The following PAPPA variants were observed in gnomAD, a reference collection of about 807,000 sequenced individuals.
The protein encoded by PAPPA is pappalysin-1.
PAPPA carries 60 observed loss-of-function variants against 164.0 expected under a neutral mutation model. That is an observed-to-expected ratio of 0.37 (90% confidence interval 0.30 to 0.45). The LOEUF (loss-of-function observed/expected upper bound fraction) is 0.45, where lower values mean the gene tolerates loss of function less well. Ranked by LOEUF, PAPPA falls within the 20% of genes least tolerant of loss-of-function variation. The pLI, the probability that PAPPA is intolerant of heterozygous loss-of-function variation, is 1.00. For synonymous variants in PAPPA, 875 were observed against 814.1 expected (o/e 1.07, Z -1.27); for missense variants, 1,782 against 2,087.3 (o/e 0.85, Z 2.85).
intron 18 of PAPPA, 102 bp from the exon 19 acceptor site, chr9:116,367,543 C>A: frequency 1.2e-6 from 1 of 802,764 alleles, no homozygotes; most frequent in Non-Finnish European, 2.1e-6. Flanking sequence ...TAGCTGAGTC[C>A]ACCAGGGACC....
intron 10 of PAPPA, among the ~76,000 whole-genome samples, chr9:116,322,120 C>T (rs1031964472): frequency 6.6e-6 from 1 of 152,146 alleles, no homozygotes; most frequent in African/African-American, 2.4e-5. Flanking sequence ...CCATACTGGG[C>T]AGACCATCTT....
At chr9:116,251,749 C>T (rs1021834238) in intron 7 of PAPPA, among the ~76,000 whole-genome samples, 1 of 152,214 alleles carries the variant, frequency 6.6e-6, no homozygotes, top group African/African-American at 2.4e-5. Flanking sequence ...AGCTGTCACA[C>T]ATCGCCTTTG....
intron 2 of PAPPA, among the ~76,000 whole-genome samples, chr9:116,206,489 T>G (rs554337695): frequency 1.3e-5 from 2 of 152,274 alleles, no homozygotes; most frequent in Non-Finnish European, 2.9e-5. Flanking sequence ...ATTATTGAAT[T>G]TGAGACTGAG....
chr9:116,363,902 C>G (rs1176827554), intron 18 of PAPPA, among the ~76,000 whole-genome samples: 1 of 152,208 alleles, frequency 6.6e-6, no homozygotes, highest in Non-Finnish European at 1.5e-5. Context: ...GGAATCAGCA[C>G]TCTTGTGTTT....
intron 7 of PAPPA, among the ~76,000 whole-genome samples, chr9:116,262,141 C>T (rs1344993766): frequency 6.0e-5 from 9 of 150,686 alleles, no homozygotes; most frequent in East Asian, 2.0e-4. Flanking sequence ...GTTGAGCCAG[C>T]GAGTTTGAGG....
chr9:116,187,424 G>T lies in PAPPA; in HGVS notation c.686G>T (p.Ser229Ile). The change falls in exon 2 of 22, where the codon AGC (serine) becomes ATC (isoleucine). Residue 229 changes from serine to isoleucine, a missense_variant. This residue lies in a region of PAPPA where 458 missense variants were observed against 430.3 expected (regional missense o/e 1.06). Transcript: ENST00000328252. This position sits in a 1 kb window ranked among gnomAD's most constrained non-coding sequence, Gnocchi z 4.2. ...GGGGAACAAGTGGGTGGCATATTCA[G>T]CCCACTGACCCAGAAGTGCAAAGTG... is the stretch of plus-strand genomic sequence containing the variant. ...TSGEQVGGIF[S>I]PLTQKCKVLM... is the part of the protein sequence containing the mutation. The T allele has an allele frequency of 6.2e-7, 1 of 1,614,114 alleles. No individual in the cohort carries two copies. The highest frequency in any genetic ancestry group is 1.1e-5 in the South Asian group (1 of 91,080).
Position 116,193,411 on chromosome 9 carries a change from C to G in PAPPA, c.1478+5195C>G, listed in dbSNP as rs552335334. 4.6e-5 allele frequency among the ~76,000 whole-genome samples: 7 copies of G among 152,254 alleles called. No homozygotes were observed. The South Asian group carries it at 1.2e-3, about 27-fold the overall frequency. On this transcript the variant is annotated intron_variant, in intron 2 of 21. Transcript: ENST00000328252. ...AGCATAAACTTCATACTTTCCTCTT[C>G]CTTTTCAATCTGAATGAAGGACTCT...
At chr9:116,268,996 C>G (rs758466506) in intron 8 of PAPPA, among the ~76,000 whole-genome samples, 55 of 152,184 alleles carry the variant, frequency 3.6e-4, no homozygotes, top group Non-Finnish European at 6.5e-4. Context: ...CAGTGAGGCC[C>G]TTAATGGATG....
At position 116,365,566 on chromosome 9, in the gene PAPPA, T is replaced by TTTC. The variant is rs1554755536; in HGVS notation, c.4496-2079_4496-2078insTTC. Among the ~76,000 whole-genome samples the TTTC allele has an allele frequency of 2.8e-3, 382 of 137,936 alleles. 7 individuals carry two copies. The highest frequency in any genetic ancestry group is 9.5e-3 in the African/African-American group (368 of 38,640). 90.5% of individuals were successfully genotyped at this position (137,936 alleles called of 152,430 possible). ...TTTGACAACCGTTTTTTTTTTTTTT[T>TTTC]CCTCTCTTGGGATAAGATAGCCTTT... On this transcript the variant is annotated intron_variant, in intron 18 of 21. Transcript: ENST00000328252.
At chr9:116,262,838 G>A (rs1845019010) in intron 7 of PAPPA, among the ~76,000 whole-genome samples, 1 of 152,128 alleles carries the variant, frequency 6.6e-6, no homozygotes, top group South Asian at 2.1e-4. Flanking sequence ...CAATGAAATA[G>A]GTTCTAACCT....
chr9:116,173,112 C>A (rs1456811455), intron 1 of PAPPA, among the ~76,000 whole-genome samples: 1 of 152,158 alleles, frequency 6.6e-6, no homozygotes, highest in African/African-American at 2.4e-5. Context: ...AGACCAGGAT[C>A]AAGGCTGAAC....
intron 9 of PAPPA, among the ~76,000 whole-genome samples, chr9:116,274,681 G>A (rs1254522033): frequency 1.3e-5 from 2 of 152,112 alleles, no homozygotes; most frequent in African/African-American, 4.8e-5. Context: ...CAATATTTTT[G>A]GATACTTTCT....
intron 10 of PAPPA, among the ~76,000 whole-genome samples, chr9:116,306,778 G>A (rs1055528007): frequency 1.3e-5 from 2 of 152,140 alleles, no homozygotes; most frequent in Admixed American, 1.3e-4. Context: ...ATGAGATGTT[G>A]ATATTCCTTC....
Position 116,154,257 on chromosome 9 carries a change from C to G in PAPPA, c.85C>G (p.Arg29Gly), listed in dbSNP as rs922756108. Reference sequence around the variant, plus strand: ...GCTGGCCGAGCGTCCCCGCCGGGCCCGGAGAGACCCGCGGGCCGGCCGACC... The same window carrying G: ...GCTGGCCGAGCGTCCCCGCCGGGCCGGGAGAGACCCGCGGGCCGGCCGACC... ...CGLAERPRRA[R>G]RDPRAGRPPR... Residue 29 changes from arginine to glycine, a missense_variant, in exon 1 of 22, where the codon CGG becomes GGG. Coordinates refer to ENST00000328252, the MANE Select transcript of PAPPA (RefSeq NM_002581.5). This position sits in a 1 kb window ranked among gnomAD's most constrained non-coding sequence, Gnocchi z 5.2. The G allele has an allele frequency of 1.7e-5, 21 of 1,217,728 alleles. No individual in the cohort carries two copies. The highest frequency in any genetic ancestry group is 2.1e-5 in the Non-Finnish European group (20 of 973,478). 75.4% of individuals were successfully genotyped at this position (1,217,728 alleles called of 1,614,324 possible). A position where few individuals can be genotyped will look rare whatever the true frequency, so the allele number is the denominator to read the frequency against.
At chr9:116,262,295 A>T (rs1484198983) in intron 7 of PAPPA, among the ~76,000 whole-genome samples, 1 of 152,216 alleles carries the variant, frequency 6.6e-6, no homozygotes, top group African/African-American at 2.4e-5. Context: ...CTACAAACAT[A>T]AAATATTCAG....
At chr9:116,332,724 T>A (rs1846010392) in intron 12 of PAPPA, 1 of 374,922 alleles carries the variant, frequency 2.7e-6, no homozygotes, top group Non-Finnish European at 4.9e-6. Context: ...AACTCAGACA[T>A]CCTGTATTAT....
intron 1 of PAPPA, among the ~76,000 whole-genome samples, chr9:116,171,645 G>A (rs901881663): frequency 2.6e-5 from 4 of 152,176 alleles, no homozygotes. Context: ...TGAACAGTGG[G>A]TATCACTGGC....
At chr9:116,299,672 G>A (rs1345236202) in intron 9 of PAPPA, among the ~76,000 whole-genome samples, 1 of 152,154 alleles carries the variant, frequency 6.6e-6, no homozygotes, top group African/African-American at 2.4e-5. Flanking sequence ...GCTGTGGCAT[G>A]TAGGGAGAAG....
At chr9:116,246,501 T>A (rs1844798640) in intron 7 of PAPPA, among the ~76,000 whole-genome samples, 1 of 152,248 alleles carries the variant, frequency 6.6e-6, no homozygotes, top group African/African-American at 2.4e-5. Flanking sequence ...AGAAAACTAA[T>A]GTTTAAGGAC....
Sources: allele counts gnomAD v4.1 joint callset (sites outside exome capture counted in the v4.1 genomes callset), GRCh38; gene constraint gnomAD v4.1.1; regional missense constraint gnomAD v4.1.1; non-coding constraint Gnocchi (gnomAD v3.1); transcripts MANE v1.5; gene names NCBI Gene and HGNC (gene_info 2026-07-23, HGNC 2026-07-21).